Variants in AGR3 observed in about 807,000 individuals in gnomAD.
The protein encoded by AGR3 is anterior gradient protein 3.
In AGR3, 37 loss-of-function variants were observed where a neutral mutation model predicts 24.5. The ratio of observed to expected loss-of-function variants is 1.51; its 90% CI spans 1.16 to 1.99. The LOEUF is 1.99. Ranked by LOEUF, AGR3 falls within the 30% of genes most tolerant of loss-of-function variation. The probability of loss-of-function intolerance (pLI) is 0.00; values close to 1 mark genes in which losing one functional copy is unlikely to be tolerated. For missense variants in AGR3, 228 were observed against 191.1 expected, an observed-to-expected ratio of 1.19 and a Z score of -1.14; for synonymous variants, 75 against 61.6, an observed-to-expected ratio of 1.22 and a Z score of -1.02.
At chr7:16,880,518 T>TCC (rs1782093521) in intron 1 of AGR3, among the ~76,000 whole-genome samples, 1 of 27,398 alleles carries the variant, frequency 3.6e-5, no homozygotes, top group African/African-American at 1.4e-4. Flanking sequence ...CTCTTTCCCC[T>TCC]CCTCTCCCCT....
intron 3 of AGR3, chr7:16,865,005 A>T: frequency 1.1e-6 from 1 of 904,810 alleles, no homozygotes; most frequent in East Asian, 2.4e-5. Flanking sequence ...CTACCTCCTC[A>T]GGTTCAACAA....
chr7:16,880,456 C>T (rs938941938), intron 1 of AGR3, among the ~76,000 whole-genome samples: 8 of 142,756 alleles, frequency 5.6e-5, no homozygotes, highest in Non-Finnish European at 1.1e-4. Context: ...CTACATCGCC[C>T]GGACTCCTTT....
At chr7:16,855,735 A>G (rs911815185), downstream of AGR3, among the ~76,000 whole-genome samples, 3 of 152,240 alleles carry the variant, frequency 2.0e-5, no homozygotes, top group African/African-American at 7.2e-5. Flanking sequence ...CATATTGCAT[A>G]TAATTGCTTT....
chr7:16,869,291 A>C (rs1465100308), intron 3 of AGR3, among the ~76,000 whole-genome samples: 1 of 152,186 alleles, frequency 6.6e-6, no homozygotes, highest in Non-Finnish European at 1.5e-5. Context: ...TTATTATATA[A>C]TGACCTTCTT....
rs1340365833 is a variant in AGR3 at position 16,861,417 on chromosome 7, C to T, written c.334G>A (p.Asp112Asn). ...HETTDKNLSP[D>N]GQYVPRIMFV... ...ATGATTCTAGGCACATATTGCCCAT[C>T]AGGTGATAAATTCTTATCAGTGGTT... Residue 112 changes from aspartate to asparagine, a missense_variant, in exon 6 of 8, where the codon GAT becomes AAT. Physicochemically the swap from Asp to Asn is conservative, Grantham distance 23. Coordinates refer to ENST00000310398, the MANE Select transcript of AGR3 (RefSeq NM_176813.5). 1.2e-6 allele frequency: 2 copies of T among 1,610,746 alleles called. No individual in the cohort carries two copies. The highest frequency in any genetic ancestry group is 1.1e-5 in the South Asian group (1 of 90,532).
chr7:16,873,546 A>G (rs1781925028), intron 3 of AGR3: 2 of 480,982 alleles, frequency 4.2e-6, no homozygotes, highest in African/African-American at 1.9e-5. Flanking sequence ...TATAGGGTAC[A>G]TACAGTTAAC....
intron 1 of AGR3, among the ~76,000 whole-genome samples, chr7:16,881,557 AACATTG>A (rs1170860898): frequency 6.6e-6 from 1 of 152,212 alleles, no homozygotes; most frequent in African/African-American, 2.4e-5. Flanking sequence ...AGATTGTATA[AACATTG>A]GTCAATTAGC....
At chr7:16,863,043 C>G (rs915788662) in intron 3 of AGR3, among the ~76,000 whole-genome samples, 1 of 152,166 alleles carries the variant, frequency 6.6e-6, no homozygotes, top group Non-Finnish European at 1.5e-5. Context: ...GCACTCCAGC[C>G]TGGGTGACAG....
At chr7:16,862,691 A>C in intron 3 of AGR3, 29 bp from the exon 4 acceptor site, 1 of 1,485,930 alleles carries the variant, frequency 6.7e-7, no homozygotes, top group Non-Finnish European at 9.1e-7. Flanking sequence ...GAATTAAGTC[A>C]AATGATTAAC....
At chr7:16,872,504 C>T (rs919175502) in intron 3 of AGR3, among the ~76,000 whole-genome samples, 2 of 152,116 alleles carry the variant, frequency 1.3e-5, no homozygotes, top group African/African-American at 2.4e-5. Flanking sequence ...TATAACACTC[C>T]TAGAAGAAAA....
chr7:16,862,199 G>A (rs1781664271), intron 4 of AGR3, 139 bp from the exon 5 acceptor site: 1 of 650,470 alleles, frequency 1.5e-6, no homozygotes, highest in Non-Finnish European at 2.7e-6. Flanking sequence ...TTGGCCTATT[G>A]CCACTTTGTC....
intron 1 of AGR3, among the ~76,000 whole-genome samples, chr7:16,879,243 C>G (rs1782055938): frequency 6.6e-6 from 1 of 152,136 alleles, no homozygotes; most frequent in Non-Finnish European, 1.5e-5. Context: ...TATGATACAG[C>G]TCTTTATAAA....
chr7:16,863,358 C>G (rs1052806790), intron 3 of AGR3, among the ~76,000 whole-genome samples: 1 of 152,144 alleles, frequency 6.6e-6, no homozygotes, highest in African/African-American at 2.4e-5. Flanking sequence ...TAATATTTGG[C>G]TATTTTCACA....
intron 3 of AGR3, among the ~76,000 whole-genome samples, chr7:16,870,470 T>C (rs1346397884): frequency 6.6e-6 from 1 of 152,132 alleles, no homozygotes; most frequent in Non-Finnish European, 1.5e-5. Flanking sequence ...CACACTTTAA[T>C]GGGACACTTC....
chr7:16,860,501 T>G lies in AGR3; in HGVS notation c.450A>C (p.Leu150=). The change falls in exon 7 of 8, where the codon CTA becomes CTC. Residue 150 remains leucine, a splice_region_variant and synonymous_variant. Transcript: ENST00000310398. ...LYTYEPRDLP[L]LIENMKKALR... ...TTGAGATCATTTGTGAATACTTACA[T>G]AGGGGTAAATCCCGAGGCTCATATG... 6.2e-7 allele frequency: 1 copy of G among 1,609,084 alleles called. No homozygotes were observed. The highest frequency in any genetic ancestry group is 8.5e-7 in the Non-Finnish European group (1 of 1,175,448).
In AGR3 at chr7:16,873,643, A is replaced by G; in HGVS notation, c.173+137T>C. ...AGAAATGATATGTTTCAGGTGATGC[A>G]TATGCTAATTACACTGATTTGATCA... On this transcript the variant is annotated intron_variant, in intron 3 of 7. Coordinates refer to ENST00000310398, the MANE Select transcript of AGR3 (RefSeq NM_176813.5). The G allele has an allele frequency of 4.6e-6, 3 of 657,210 alleles. No homozygotes were observed. The South Asian group carries it at 5.9e-5, about 13-fold the overall frequency. The allele number at this position is 657,210 out of a possible 1,614,324, so 40.7% of individuals were successfully genotyped here. A position where few individuals can be genotyped will look rare whatever the true frequency, so the allele number is the denominator to read the frequency against.
downstream of AGR3, among the ~76,000 whole-genome samples, chr7:16,855,394 TTC>T: frequency 6.6e-6 from 1 of 152,056 alleles, no homozygotes; most frequent in Admixed American, 6.5e-5. Context: ...ATCACTAAAC[TTC>T]TAGAATTCAT....
At position 16,879,035 on chromosome 7, in the gene AGR3, T is replaced by G. The variant is rs1332975585; in HGVS notation, c.-27-390A>C. Among the ~76,000 whole-genome samples, 3 of 152,242 alleles carry G rather than the reference T, an allele frequency of 2.0e-5. No individual in the cohort carries two copies. In the East Asian group the frequency reaches 5.8e-4, roughly 29 times the overall value. ...ACTTTTAGCATGCAGAAATATTCTT[T>G]GCCTTTTGATTCTCCTTCATCTAAT... On this transcript the variant is annotated intron_variant, in intron 1 of 7. Transcript: ENST00000310398.
chr7:16,877,070 G>A (rs1460550640), intron 2 of AGR3, among the ~76,000 whole-genome samples: 6 of 151,822 alleles, frequency 4.0e-5, no homozygotes, highest in Non-Finnish European at 8.8e-5. Context: ...TGTATATATA[G>A]ATTGTGTGTT....
Sources: gnomAD v4.1 joint callset for allele counts (sites outside exome capture counted in the v4.1 genomes callset) on GRCh38, gnomAD v4.1.1 for gene constraint, MANE v1.5 for transcripts, NCBI Gene and HGNC (gene_info 2026-07-23, HGNC 2026-07-21) for gene names.